The following DOCK3 variants were observed in gnomAD, a reference collection of about 807,000 sequenced individuals.
DOCK3 encodes the protein dedicator of cytokinesis protein 3.
A neutral mutation model predicts 265.6 loss-of-function variants in DOCK3; 60 were observed. That is an observed-to-expected ratio of 0.23 (90% confidence interval 0.18 to 0.28). DOCK3 has a LOEUF of 0.28. DOCK3 is among the 10% of genes least tolerant of loss of function. DOCK3 has a pLI of 1.00. For synonymous variants in DOCK3, 881 were observed against 938.0 expected (o/e 0.94, Z 1.11); for missense variants, 1,981 against 2,594.3 (o/e 0.76, Z 5.14).
At chr3:50,937,127 A>T (rs941595438) in intron 5 of DOCK3, among the ~76,000 whole-genome samples, 12 of 151,790 alleles carry the variant, frequency 7.9e-5, no homozygotes, top group Admixed American at 4.6e-4. Flanking sequence ...AAATAGAAAA[A>T]TTAGCTAGAC....
At chr3:51,353,239 G>T (rs1411188291) in intron 40 of DOCK3, among the ~76,000 whole-genome samples, 11 of 152,160 alleles carry the variant, frequency 7.2e-5, no homozygotes, top group Admixed American at 6.5e-4. Flanking sequence ...CACTGGAGAG[G>T]CCAGCCTGCT....
rs2033836997 is a variant in DOCK3 at position 50,675,115 on chromosome 3, G to T, written c.-149G>T. On this transcript the variant is annotated 5_prime_UTR_variant, in exon 1 of 53. Coordinates refer to ENST00000266037, the MANE Select transcript of DOCK3 (RefSeq NM_004947.5). The surrounding 1 kb of genome is among the most constrained non-coding windows in gnomAD (Gnocchi z 6.1). Reference sequence around the variant, plus strand: ...GTGGCGGGGGTGGCGGCGGCATCCCGGACGGCCTGTGAGGGATGCGCCGCC... The same window carrying T: ...GTGGCGGGGGTGGCGGCGGCATCCCTGACGGCCTGTGAGGGATGCGCCGCC... The T allele has an allele frequency of 2.5e-6, 1 of 406,398 alleles. No individual in the cohort carries two copies. 25.2% of individuals were successfully genotyped at this position (406,398 alleles called of 1,614,324 possible).
intron 5 of DOCK3, among the ~76,000 whole-genome samples, chr3:51,045,928 G>C (rs940291111): frequency 3.3e-5 from 5 of 152,094 alleles, no homozygotes; most frequent in African/African-American, 1.2e-4. Context: ...TTAAGAAGCA[G>C]TACAGATGGG....
At chr3:50,966,909 C>A (rs1229555999) in intron 5 of DOCK3, among the ~76,000 whole-genome samples, 9 of 151,860 alleles carry the variant, frequency 5.9e-5, no homozygotes, top group Non-Finnish European at 1.0e-4. Flanking sequence ...TTTCTGTAAC[C>A]TTGTAGGGGA....
At chr3:50,749,459 A>G (rs1304550984) in intron 1 of DOCK3, among the ~76,000 whole-genome samples, 1 of 152,218 alleles carries the variant, frequency 6.6e-6, no homozygotes, top group African/African-American at 2.4e-5. Flanking sequence ...CGTCTTGTAA[A>G]TAGCTTCAGA....
At chr3:51,344,616 TCAAAA>T (rs1424976661) in intron 38 of DOCK3, among the ~76,000 whole-genome samples, 1 of 152,128 alleles carries the variant, frequency 6.6e-6, no homozygotes, top group Non-Finnish European at 1.5e-5. Flanking sequence ...CAATTCTGTC[TCAAAA>T]CAAAACAAAA....
intron 2 of DOCK3, among the ~76,000 whole-genome samples, chr3:50,791,583 A>G (rs1165370319): frequency 6.6e-6 from 1 of 152,006 alleles, no homozygotes; most frequent in Non-Finnish European, 1.5e-5. Context: ...CAAATGTTTA[A>G]TCTGTCTTGA....
rs767901544 is a variant in DOCK3, at chr3:51,362,568, C to T, written c.5187C>T (p.Asn1729=). Reference sequence around the variant, plus strand: ...CCAGGTACCAAGGCTCAGTCACCAACGTCTCTGTTCTGTCCTCGTCCCAGG... The same window carrying T: ...CCAGGTACCAAGGCTCAGTCACCAATGTCTCTGTTCTGTCCTCGTCCCAGG... ...PNPRYQGSVT[N]VSVLSSSQAS... Residue 1729 remains asparagine, a synonymous_variant, in exon 49 of 53, where the codon AAC becomes AAT. Transcript: ENST00000266037. 4.3e-6 allele frequency: 7 copies of T among 1,613,890 alleles called. No homozygotes were observed. In the Admixed American group the frequency reaches 6.7e-5, roughly 15 times the overall value.
chr3:51,281,103 T>G (rs2081087683), intron 27 of DOCK3, among the ~76,000 whole-genome samples: 1 of 152,012 alleles, frequency 6.6e-6, no homozygotes, highest in South Asian at 2.1e-4. Flanking sequence ...TATCTTTTCT[T>G]TATTACAGCT....
At chr3:51,331,827 A>G (rs894352533) in intron 33 of DOCK3, among the ~76,000 whole-genome samples, 1 of 152,206 alleles carries the variant, frequency 6.6e-6, no homozygotes, top group African/African-American at 2.4e-5. Flanking sequence ...AAAATCTCCA[A>G]AAGGAGGGTA....
At chr3:51,059,176 C>A (rs187558525) in intron 5 of DOCK3, among the ~76,000 whole-genome samples, 1 of 152,014 alleles carries the variant, frequency 6.6e-6, no homozygotes, top group South Asian at 2.1e-4. Flanking sequence ...TGAGAACATA[C>A]GGTGTTTGTT....
intron 4 of DOCK3, among the ~76,000 whole-genome samples, chr3:50,932,917 TTA>T (rs1185658272): frequency 6.6e-6 from 1 of 152,154 alleles, no homozygotes; most frequent in Non-Finnish European, 1.5e-5. Flanking sequence ...ACTGGGTAAT[TTA>T]TAAAGAAGAG....
chr3:51,022,141 T>A (rs2079621388), intron 5 of DOCK3, among the ~76,000 whole-genome samples: 1 of 152,234 alleles, frequency 6.6e-6, no homozygotes, highest in South Asian at 2.1e-4. Flanking sequence ...TTTAAACAAT[T>A]TACTTTGTAG....
chr3:50,874,217 T>C (rs1448759246), intron 3 of DOCK3, among the ~76,000 whole-genome samples: 1 of 151,992 alleles, frequency 6.6e-6, no homozygotes, highest in Non-Finnish European at 1.5e-5. Context: ...AGTATAGATA[T>C]TTTGCTGAAT....
intron 51 of DOCK3, among the ~76,000 whole-genome samples, chr3:51,379,127 G>C (rs2088384815): frequency 6.6e-6 from 1 of 152,156 alleles, no homozygotes; most frequent in Non-Finnish European, 1.5e-5. Context: ...CTACTCTTCT[G>C]TCCTGTTTTC....
At chr3:50,863,972 T>G (rs923394818) in intron 3 of DOCK3, among the ~76,000 whole-genome samples, 2 of 152,216 alleles carry the variant, frequency 1.3e-5, no homozygotes, top group Non-Finnish European at 2.9e-5. Flanking sequence ...TTTGGATATG[T>G]ACCAAGCAGG....
At chr3:51,357,165 C>T in intron 44 of DOCK3, 24 bp downstream of exon 44, 1 of 1,600,346 alleles carries the variant, frequency 6.2e-7, no homozygotes, top group Non-Finnish European at 8.5e-7. Context: ...ACAGGCCAAA[C>T]CCATGCAGCC....
At chr3:51,104,212 C>T (rs952534888) in intron 9 of DOCK3, among the ~76,000 whole-genome samples, 9 of 152,252 alleles carry the variant, frequency 5.9e-5, no homozygotes, top group South Asian at 4.1e-4. Context: ...AAGCATGAGC[C>T]TGAGGACAGC....
chr3:50,860,964 A>G lies in DOCK3; in HGVS notation c.162+19249A>G, dbSNP rs375370897. On this transcript the variant is annotated intron_variant, in intron 3 of 52. Coordinates refer to ENST00000266037, the MANE Select transcript of DOCK3 (RefSeq NM_004947.5). Reference sequence around the variant, plus strand: ...ACTTTTGCTGGAAGCCCAAGTATCTAGGGCTCCAGGGTCTCCATGCATGCC... The same window carrying G: ...ACTTTTGCTGGAAGCCCAAGTATCTGGGGCTCCAGGGTCTCCATGCATGCC... Among the ~76,000 whole-genome samples, 55 of 152,326 alleles carry G rather than the reference A, an allele frequency of 3.6e-4. 1 individual carries two copies. The South Asian group carries it at 0.01, about 28-fold the overall frequency.
Sources: gnomAD v4.1 joint callset for allele counts (sites outside exome capture counted in the v4.1 genomes callset) on GRCh38, gnomAD v4.1.1 for gene constraint, Gnocchi (gnomAD v3.1) non-coding constraint, MANE v1.5 for transcripts, NCBI Gene and HGNC (gene_info 2026-07-23, HGNC 2026-07-21) for gene names.